Variants in RNF8 observed in about 807,000 individuals in gnomAD.
RNF8 encodes ring finger protein 8.
RNF8 carries 8 observed loss-of-function variants against 59.3 expected under a neutral mutation model. That is an observed-to-expected ratio of 0.13 (90% CI 0.08 to 0.24). RNF8 has a LOEUF of 0.24. RNF8 is among the 10% of genes least tolerant of loss of function. The pLI, the probability that RNF8 is intolerant of heterozygous loss-of-function variation, is 1.00. For missense variants in RNF8, 406 were observed against 572.6 expected, an observed-to-expected ratio of 0.71 and a Z score of 2.97; for synonymous variants, 162 against 200.0, an observed-to-expected ratio of 0.81 and a Z score of 1.60.
At chr6:37,388,571 G>A (rs1225299301) in intron 7 of RNF8, among the ~76,000 whole-genome samples, 1 of 152,130 alleles carries the variant, frequency 6.6e-6, no homozygotes, top group Non-Finnish European at 1.5e-5. Context: ...ATTAGGGGAT[G>A]AGTAGTAGAA....
chr6:37,368,261 G>T (rs975992269), intron 2 of RNF8: 1 of 896,704 alleles, frequency 1.1e-6, no homozygotes, highest in Non-Finnish European at 1.7e-6. Context: ...CTGTTATATG[G>T]CAGTTCTCTG....
intron 7 of RNF8, among the ~76,000 whole-genome samples, chr6:37,386,498 A>G (rs757141749): frequency 4.6e-5 from 7 of 152,206 alleles, no homozygotes; most frequent in Non-Finnish European, 7.3e-5. Flanking sequence ...ATCTTTCAGT[A>G]CACCCTAAAT....
chr6:37,357,058 G>T (rs1769146818), intron 1 of RNF8, among the ~76,000 whole-genome samples: 1 of 152,178 alleles, frequency 6.6e-6, no homozygotes, highest in South Asian at 2.1e-4. Context: ...TGTTATTTGA[G>T]AAACAGTAGG....
At chr6:37,388,407 G>T (rs1162049364) in intron 7 of RNF8, among the ~76,000 whole-genome samples, 1 of 152,214 alleles carries the variant, frequency 6.6e-6, no homozygotes, top group Non-Finnish European at 1.5e-5. Flanking sequence ...CTGTTCAGTG[G>T]TTATTTGAAT....
Position 37,371,547 on chromosome 6 carries a change from G to A in RNF8, c.1011G>A (p.Lys337=), listed in dbSNP as rs112020220. ...TAGCCCAAGGAGAAAAGGACCTGAA[G>A]CAACAGCTGGCCCAGGCTCTGCAGG... ...LEIAQGEKDL[K]QQLAQALQEH... Residue 337 remains lysine (K), a synonymous_variant, in exon 4 of 8, where the codon AAG becomes AAA. Coordinates refer to ENST00000373479, the MANE Select transcript of RNF8 (RefSeq NM_003958.4). The A allele has an allele frequency of 6.8e-6, 11 of 1,614,040 alleles. No individual in the cohort carries two copies. In the African/African-American group the frequency reaches 8.0e-5, roughly 12 times the overall value.
At chr6:37,380,881 C>G (rs1224377110) in intron 6 of RNF8, among the ~76,000 whole-genome samples, 2 of 151,946 alleles carry the variant, frequency 1.3e-5, no homozygotes, top group Non-Finnish European at 2.9e-5. Context: ...CGAGGTTTTA[C>G]CATGTTGCCC....
chr6:37,360,848 C>T lies in RNF8; in HGVS notation c.240+274C>T, dbSNP rs1769289019. Among the ~76,000 whole-genome samples, 1 of 152,068 alleles carries T rather than the reference C, an allele frequency of 6.6e-6. No homozygotes were observed. The highest frequency in any genetic ancestry group is 1.5e-5 in the Non-Finnish European group (1 of 68,026). ...CTATTCCAGAAACTAGACTAAGTTA[C>T]TGGGCAAATAAGCCTGTTTGAGGTG... On this transcript the variant is annotated intron_variant, in intron 2 of 7. Coordinates refer to ENST00000373479, the MANE Select transcript of RNF8 (RefSeq NM_003958.4). The surrounding 1 kb of genome is among the most constrained non-coding windows in gnomAD (Gnocchi z 4.2).
intron 4 of RNF8, among the ~76,000 whole-genome samples, chr6:37,374,141 ACTAT>A (rs1293879019): frequency 1.3e-5 from 2 of 152,240 alleles, no homozygotes; most frequent in Non-Finnish European, 2.9e-5. Context: ...AATAAAAATG[ACTAT>A]CTAATTCTGC....
chr6:37,392,472 A>G lies in RNF8; in HGVS notation c.*1714A>G, dbSNP rs1770753306. ...AGCGACTACTTCCCACTCAGAGGCA[A>G]CAAGTATTACAGTTGCTTGTATATT... On this transcript the variant is annotated 3_prime_UTR_variant, in exon 8 of 8. Transcript: ENST00000373479. 2.5e-6 allele frequency: 1 copy of G among 398,634 alleles called. No individual in the cohort carries two copies. The highest frequency in any genetic ancestry group is 4.4e-6 in the Non-Finnish European group (1 of 226,062). 24.7% of individuals were successfully genotyped at this position (398,634 alleles called of 1,614,324 possible). A position where few individuals can be genotyped will look rare whatever the true frequency, so the allele number is the denominator to read the frequency against.
intron 1 of RNF8, among the ~76,000 whole-genome samples, chr6:37,357,097 T>G (rs1162197926): frequency 1.3e-5 from 2 of 152,186 alleles, no homozygotes; most frequent in African/African-American, 4.8e-5. Context: ...AGAGATAGTC[T>G]TAGTGAAGGT....
chr6:37,372,795 C>G (rs374683043), intron 4 of RNF8, among the ~76,000 whole-genome samples: 23 of 152,176 alleles, frequency 1.5e-4, no homozygotes, highest in African/African-American at 5.6e-4. Flanking sequence ...CATGGAGAAA[C>G]CCTGTCTCTA....
intron 2 of RNF8, chr6:37,361,588 T>A (rs540809648): frequency 3.0e-6 from 1 of 333,256 alleles, no homozygotes. Flanking sequence ...AAACAGTTAA[T>A]GTTTAGGAAG....
rs1210339088 is a variant in RNF8 at position 37,394,593 on chromosome 6, A to C, written c.*3835A>C. ...CTCCTGCTTGCTGCTGCTTTACTAC[A>C]TTCCAGATGCCCACCTCATCCAATT... On this transcript the variant is annotated 3_prime_UTR_variant, in exon 8 of 8. Transcript: ENST00000373479. 1 of 152,072 alleles carries C rather than the reference A, an allele frequency of 6.6e-6. No homozygotes were observed. The highest frequency in any genetic ancestry group is 1.5e-5 in the Non-Finnish European group (1 of 68,012). The allele number at this position is 152,072 out of a possible 1,614,324, so 9.4% of individuals were successfully genotyped here. A position where few individuals can be genotyped will look rare whatever the true frequency, so the allele number is the denominator to read the frequency against.
rs368136191 is a variant in RNF8, at chr6:37,379,777, T to C, written c.1237-1373T>C. 7.2e-5 allele frequency among the ~76,000 whole-genome samples: 11 copies of C among 152,376 alleles called. No homozygotes were observed. In the East Asian group the frequency reaches 1.5e-3, roughly 21 times the overall value. ...TTAGAGATGATGTCTTATATAATTC[T>C]GTATACTTAATATTTAGTATGTGTT... On this transcript the variant is annotated intron_variant, in intron 6 of 7. Coordinates refer to ENST00000373479, the MANE Select transcript of RNF8 (RefSeq NM_003958.4).
chr6:37,356,221 A>G (rs1196076863), intron 1 of RNF8, among the ~76,000 whole-genome samples: 1 of 152,370 alleles, frequency 6.6e-6, no homozygotes, highest in East Asian at 1.9e-4. Context: ...GGCTGGCTTC[A>G]GGGACCTGTG....
chr6:37,371,394 C>G (rs1041618222), intron 3 of RNF8, 118 bp from the exon 4 acceptor site: 2 of 724,004 alleles, frequency 2.8e-6, no homozygotes, highest in African/African-American at 3.6e-5. Flanking sequence ...CACCTGCTCC[C>G]TCACCCCTGT....
intron 7 of RNF8, among the ~76,000 whole-genome samples, chr6:37,388,088 G>T (rs1196616330): frequency 6.6e-6 from 1 of 152,186 alleles, no homozygotes; most frequent in Non-Finnish European, 1.5e-5. Context: ...GTAGTGAAGA[G>T]ACGACATGGT....
intron 5 of RNF8, among the ~76,000 whole-genome samples, 179 bp from the exon 6 acceptor site, chr6:37,376,747 G>T (rs1477401605): frequency 1.3e-5 from 2 of 152,158 alleles, no homozygotes. Context: ...CTCTGTATTA[G>T]AAAACAATTA....
chr6:37,362,719 G>A (rs146350439), intron 2 of RNF8, among the ~76,000 whole-genome samples: 10 of 152,348 alleles, frequency 6.6e-5, no homozygotes, highest in African/African-American at 2.4e-4. Flanking sequence ...TGTGTTTGAA[G>A]TCATTTGCCA....
Sources: gnomAD v4.1 joint callset for allele counts (sites outside exome capture counted in the v4.1 genomes callset) on GRCh38, gnomAD v4.1.1 for gene constraint, Gnocchi (gnomAD v3.1) non-coding constraint, MANE v1.5 for transcripts, NCBI Gene and HGNC (gene_info 2026-07-23, HGNC 2026-07-21) for gene names.